Variants in SH3RF3 observed in about 807,000 individuals in gnomAD.
SH3RF3 encodes E3 ubiquitin-protein ligase SH3RF3.
In SH3RF3, 29 loss-of-function variants were observed where a neutral mutation model predicts 66.3. The observed-to-expected ratio is 0.44, with a 90% CI of 0.33 to 0.60. The LOEUF is 0.60. Among genes scored for constraint, SH3RF3 ranks in the 20% least tolerant of loss-of-function variants. SH3RF3 has a pLI of 0.04. For synonymous variants in SH3RF3, 583 were observed against 532.0 expected (o/e 1.10, Z -1.32); for missense variants, 1,194 against 1,190.9 (o/e 1.00, Z -0.04).
intron 1 of SH3RF3, among the ~76,000 whole-genome samples, chr2:109,222,749 C>G (rs887346797): frequency 6.6e-6 from 1 of 152,226 alleles, no homozygotes; most frequent in African/African-American, 2.4e-5. Flanking sequence ...TCCAGTGTTT[C>G]TGTTAAATTA....
At chr2:109,138,508 A>C (rs2104821807) in intron 1 of SH3RF3, among the ~76,000 whole-genome samples, 1 of 152,366 alleles carries the variant, frequency 6.6e-6, no homozygotes, top group East Asian at 1.9e-4. Flanking sequence ...CAAAGTGGCA[A>C]GCAAATTTTG....
At chr2:109,418,473 G>A (rs1676783316) in intron 4 of SH3RF3, among the ~76,000 whole-genome samples, 1 of 152,104 alleles carries the variant, frequency 6.6e-6, no homozygotes, top group African/African-American at 2.4e-5. Context: ...GGCTTTGGTG[G>A]CTGCCGGCAT....
intron 1 of SH3RF3, among the ~76,000 whole-genome samples, chr2:109,173,336 G>T (rs1677832438): frequency 6.6e-6 from 1 of 152,094 alleles, no homozygotes; most frequent in Non-Finnish European, 1.5e-5. Flanking sequence ...CCTGTGCTCT[G>T]CCCGTTATCA....
intron 8 of SH3RF3, among the ~76,000 whole-genome samples, chr2:109,487,195 T>C (rs1208096818): frequency 3.9e-5 from 6 of 152,194 alleles, no homozygotes; most frequent in Non-Finnish European, 8.8e-5. Flanking sequence ...AACATAATCT[T>C]TCAGCCCAGA....
chr2:109,209,353 T>A (rs986211031), intron 1 of SH3RF3, among the ~76,000 whole-genome samples: 4 of 152,162 alleles, frequency 2.6e-5, no homozygotes, highest in Admixed American at 2.0e-4. Flanking sequence ...GGCAAACGTT[T>A]AACAGTTGGC....
chr2:109,448,756 A>G (rs866188487), intron 7 of SH3RF3, among the ~76,000 whole-genome samples: 10 of 152,220 alleles, frequency 6.6e-5, no homozygotes, highest in Non-Finnish European at 1.3e-4. Context: ...ATGCACTTGA[A>G]TCATCCCGAA....
At chr2:109,355,926 G>T (rs1361454469) in intron 2 of SH3RF3, among the ~76,000 whole-genome samples, 1 of 152,170 alleles carries the variant, frequency 6.6e-6, no homozygotes, top group African/African-American at 2.4e-5. Flanking sequence ...TCAGAGTCCT[G>T]TTGTGATCTA....
In SH3RF3 at chr2:109,185,639, C is replaced by A. The variant is rs1031223247; in HGVS notation, c.573+55526C>A. Among the ~76,000 whole-genome samples, 12 of 152,116 alleles carry A rather than the reference C, an allele frequency of 7.9e-5. No individual in the cohort carries two copies. In the East Asian group the frequency reaches 2.3e-3, roughly 29 times the overall value. On this transcript the variant is annotated intron_variant, in intron 1 of 9. Coordinates refer to ENST00000309415, the MANE Select transcript of SH3RF3 (RefSeq NM_001099289.3). ...GCCGGAGCCAAGTCCCTGGACAGGACAGCCCTCAGACACTCCTGGTTCACC... is the reference window on the plus strand; with the variant it reads ...GCCGGAGCCAAGTCCCTGGACAGGAAAGCCCTCAGACACTCCTGGTTCACC...
At chr2:109,281,539 G>A (rs1680892727) in intron 1 of SH3RF3, among the ~76,000 whole-genome samples, 1 of 152,190 alleles carries the variant, frequency 6.6e-6, no homozygotes, top group Non-Finnish European at 1.5e-5. Context: ...CATGCAAAGG[G>A]ATGAGGGAGG....
intron 1 of SH3RF3, among the ~76,000 whole-genome samples, chr2:109,160,044 T>C (rs887680880): frequency 6.6e-6 from 1 of 152,218 alleles, no homozygotes; most frequent in African/African-American, 2.4e-5. Flanking sequence ...GGAAAAGTCA[T>C]CTTCCATGAA....
At chr2:109,499,385 A>G (rs1679333445) in intron 9 of SH3RF3, among the ~76,000 whole-genome samples, 1 of 152,236 alleles carries the variant, frequency 6.6e-6, no homozygotes, top group African/African-American at 2.4e-5. Flanking sequence ...TGCCTGCCAC[A>G]AAATCCACCA....
At chr2:109,444,442 A>C (rs1189286039) in intron 7 of SH3RF3, among the ~76,000 whole-genome samples, 2 of 152,178 alleles carry the variant, frequency 1.3e-5, no homozygotes, top group African/African-American at 2.4e-5. Context: ...CCTGCAGGAG[A>C]ATATGGACAG....
rs543441431 is a variant in SH3RF3, at chr2:109,215,755, C to T, written c.573+85642C>T. ...TGCTAGGACATCTAATGGGGGACATCGCTGCACAGTTGTACATCTAAGGAT... is the reference window on the plus strand; with the variant it reads ...TGCTAGGACATCTAATGGGGGACATTGCTGCACAGTTGTACATCTAAGGAT... On this transcript the variant is annotated intron_variant, in intron 1 of 9. Coordinates refer to ENST00000309415, the MANE Select transcript of SH3RF3 (RefSeq NM_001099289.3). Among the ~76,000 whole-genome samples the T allele has an allele frequency of 2.0e-5, 3 of 152,282 alleles. No homozygotes were observed. The East Asian group carries it at 5.8e-4, about 29-fold the overall frequency.
At chr2:109,483,335 A>G (rs750268159) in intron 8 of SH3RF3, among the ~76,000 whole-genome samples, 1 of 152,172 alleles carries the variant, frequency 6.6e-6, no homozygotes, top group Non-Finnish European at 1.5e-5. Context: ...TGCAAGCCCC[A>G]GTGGTGCCTC....
chr2:109,174,958 G>A (rs569380014), intron 1 of SH3RF3, among the ~76,000 whole-genome samples: 67 of 152,296 alleles, frequency 4.4e-4, no homozygotes, highest in African/African-American at 1.5e-3. Flanking sequence ...CTTAAATAGG[G>A]TATATTTAAA....
At chr2:109,217,464 T>A (rs552032806) in intron 1 of SH3RF3, among the ~76,000 whole-genome samples, 1 of 152,180 alleles carries the variant, frequency 6.6e-6, no homozygotes, top group African/African-American at 2.4e-5. Context: ...ATGGCCACGA[T>A]TGGTAAATAG....
chr2:109,303,570 G>A (rs958325746), intron 1 of SH3RF3, among the ~76,000 whole-genome samples: 3 of 152,220 alleles, frequency 2.0e-5, no homozygotes, highest in South Asian at 2.1e-4. Flanking sequence ...AAACCCACCC[G>A]ATGATGCCCA....
intron 1 of SH3RF3, among the ~76,000 whole-genome samples, chr2:109,330,159 G>C (rs1374820176): frequency 1.3e-5 from 2 of 152,232 alleles, no homozygotes; most frequent in East Asian, 3.8e-4. Context: ...ATACTTAGAG[G>C]GAACATGCTG....
At chr2:109,476,701 G>A (rs1678692711) in intron 8 of SH3RF3, among the ~76,000 whole-genome samples, 1 of 152,224 alleles carries the variant, frequency 6.6e-6, no homozygotes, top group African/African-American at 2.4e-5. Context: ...AGTCTGTAAA[G>A]TGAAAGCAAG....
Sources: allele counts gnomAD v4.1 joint callset (sites outside exome capture counted in the v4.1 genomes callset), GRCh38; gene constraint gnomAD v4.1.1; transcripts MANE v1.5; gene names NCBI Gene and HGNC (gene_info 2026-07-23, HGNC 2026-07-21).